The following LRBA variants were observed in gnomAD, a reference collection of about 807,000 sequenced individuals.
LRBA encodes lipopolysaccharide-responsive and beige-like anchor protein.
LRBA carries 176 observed loss-of-function variants against 330.0 expected under a neutral mutation model. That is an observed-to-expected ratio of 0.53 (90% CI 0.47 to 0.60). The LOEUF (loss-of-function observed/expected upper bound fraction) is 0.60, where lower values mean the gene tolerates loss of function less well. Ranked by LOEUF, LRBA falls within the 20% of genes least tolerant of loss-of-function variation. The pLI, the probability that LRBA is intolerant of heterozygous loss-of-function variation, is 0.00. For missense variants in LRBA, 3,259 were observed against 3,444.8 expected (o/e 0.95, Z 1.35); for synonymous variants, 1,230 against 1,193.0 (o/e 1.03, Z -0.64).
chr4:150,873,962 C>T (rs1201355849), intron 17 of LRBA, among the ~76,000 whole-genome samples: 2 of 152,106 alleles, frequency 1.3e-5, no homozygotes, highest in Non-Finnish European at 1.5e-5. Flanking sequence ...AATCTTAGTA[C>T]AAAAACTTAA....
chr4:150,692,412 G>A (rs1228829199), intron 36 of LRBA, among the ~76,000 whole-genome samples: 1 of 151,994 alleles, frequency 6.6e-6, no homozygotes, highest in Admixed American at 6.6e-5. Flanking sequence ...TAGAGATGAG[G>A]TCTCACTATG....
At chr4:150,648,184 A>AAAAAAAAAAAAAAAAAAAATAT (rs1779378881) in intron 37 of LRBA, among the ~76,000 whole-genome samples, 1 of 149,066 alleles carries the variant, frequency 6.7e-6, no homozygotes, top group Non-Finnish European at 1.5e-5. Context: ...AAAACTAGAA[A>AAAAAAAAAAAAAAAAAAAATAT]AGAGCGAGAT....
At chr4:150,468,449 T>C (rs1426248531) in intron 43 of LRBA, among the ~76,000 whole-genome samples, 2 of 152,194 alleles carry the variant, frequency 1.3e-5, no homozygotes, top group East Asian at 3.9e-4. Context: ...ATGACATATT[T>C]AGATTTATTA....
At chr4:150,402,506 C>T (rs910146908) in intron 47 of LRBA, among the ~76,000 whole-genome samples, 9 of 151,938 alleles carry the variant, frequency 5.9e-5, no homozygotes, top group Non-Finnish European at 1.5e-5. Context: ...AAAATAAAAA[C>T]CAGGTACTAT....
intron 30 of LRBA, among the ~76,000 whole-genome samples, chr4:150,823,243 T>C (rs764226193): frequency 2.0e-5 from 3 of 152,228 alleles, no homozygotes; most frequent in Non-Finnish European, 4.4e-5. Flanking sequence ...TTGAGATCTT[T>C]AGCCCATTTT....
intron 35 of LRBA, among the ~76,000 whole-genome samples, chr4:150,752,343 T>C (rs1582241555): frequency 6.6e-6 from 1 of 152,114 alleles, no homozygotes; most frequent in African/African-American, 2.4e-5. Context: ...TAAACTGTTA[T>C]CTCTCTGCAC....
chr4:150,903,642 A>G (rs750675198), intron 13 of LRBA, among the ~76,000 whole-genome samples: 66 of 152,196 alleles, frequency 4.3e-4, no homozygotes, highest in Non-Finnish European at 7.1e-4. Flanking sequence ...CAGGAGGCTG[A>G]GATGGGAGGA....
rs566882890 is a variant in LRBA at position 150,794,782 on chromosome 4, T to G, written c.5580+3299A>C. 6.6e-5 allele frequency among the ~76,000 whole-genome samples: 10 copies of G among 152,284 alleles called. No individual in the cohort carries two copies. In the East Asian group the frequency reaches 1.9e-3, roughly 29 times the overall value. On this transcript the variant is annotated intron_variant, in intron 34 of 56. Transcript: ENST00000651943. ...AGACAGGATGCCAGTCCAGACTACA[T>G]GGTGCTTCTAGTTTTTCTATATACT...
chr4:150,685,415 TATA>T lies in LRBA; in HGVS notation c.5755-1701_5755-1699del, dbSNP rs1561513969. On this transcript the variant is annotated intron_variant, in intron 36 of 56. Transcript: ENST00000651943. The stretch of plus-strand genomic sequence containing the variant: ...ATATATATATATATATATATATATA[TATA>T]TATTTTTTTTTTTTTTTTTTTTTTT... 1.5e-3 allele frequency among the ~76,000 whole-genome samples: 33 copies of T among 22,670 alleles called. 2 individuals are homozygous for T. Among genetic ancestry groups the T allele is most frequent in the South Asian group, 5.2e-3 (2 of 384 alleles). 14.9% of individuals were successfully genotyped at this position (22,670 alleles called of 152,430 possible). A position where few individuals can be genotyped will look rare whatever the true frequency, so the allele number is the denominator to read the frequency against.
intron 34 of LRBA, among the ~76,000 whole-genome samples, chr4:150,763,899 C>A (rs889892994): frequency 6.6e-6 from 1 of 151,876 alleles, no homozygotes; most frequent in Non-Finnish European, 1.5e-5. Context: ...TGTGGATAGG[C>A]AGCAAGTGAT....
At chr4:150,292,185 G>A (rs1027841677) in intron 53 of LRBA, among the ~76,000 whole-genome samples, 1 of 152,090 alleles carries the variant, frequency 6.6e-6, no homozygotes, top group Non-Finnish European at 1.5e-5. Context: ...AGAGAAAAGA[G>A]GAATTTCTCT....
At chr4:150,961,468 T>C (rs1251154263) in intron 2 of LRBA, among the ~76,000 whole-genome samples, 1 of 149,240 alleles carries the variant, frequency 6.7e-6, no homozygotes, top group Non-Finnish European at 1.5e-5. Flanking sequence ...AAACAAAGTC[T>C]AGAAAAATCA....
At chr4:150,562,754 T>A (rs1273609069) in intron 40 of LRBA, among the ~76,000 whole-genome samples, 1 of 152,284 alleles carries the variant, frequency 6.6e-6, no homozygotes, top group African/African-American at 2.4e-5. Flanking sequence ...GACAAAATTA[T>A]GTCTTACTCA....
At chr4:150,808,889 G>A (rs1743189965) in intron 31 of LRBA, among the ~76,000 whole-genome samples, 1 of 152,194 alleles carries the variant, frequency 6.6e-6, no homozygotes, top group Non-Finnish European at 1.5e-5. Context: ...CTGAGAATCT[G>A]TAATCTTGTA....
At chr4:150,619,976 A>C (rs1377152574) in intron 37 of LRBA, among the ~76,000 whole-genome samples, 2 of 152,190 alleles carry the variant, frequency 1.3e-5, no homozygotes, top group Non-Finnish European at 2.9e-5. Context: ...CTACTAATGT[A>C]TAAAATTCCT....
chr4:150,926,712 AT>A (rs1190756313), intron 4 of LRBA, among the ~76,000 whole-genome samples: 1 of 152,218 alleles, frequency 6.6e-6, no homozygotes, highest in African/African-American at 2.4e-5. Flanking sequence ...TATGCTAAAT[AT>A]TGTCAAGGAT....
chr4:150,471,870 A>AG (rs1172397156), intron 42 of LRBA, 131 bp from the exon 43 acceptor site: 3 of 600,388 alleles, frequency 5.0e-6, no homozygotes, highest in Non-Finnish European at 8.8e-6. Flanking sequence ...AATGAATACT[A>AG]GAGAGGTTTC....
intron 53 of LRBA, among the ~76,000 whole-genome samples, chr4:150,287,834 C>T (rs1043438592): frequency 2.0e-5 from 3 of 152,140 alleles, no homozygotes; most frequent in Non-Finnish European, 4.4e-5. Context: ...GGCAAACTTA[C>T]CTTAATTAGA....
intron 2 of LRBA, among the ~76,000 whole-genome samples, chr4:150,954,859 A>G (rs1443359965): frequency 6.8e-6 from 1 of 146,972 alleles, no homozygotes; most frequent in Admixed American, 6.6e-5. Context: ...AACACCAAGT[A>G]TATCATTTGA....
Sources: gnomAD v4.1 joint callset for allele counts (sites outside exome capture counted in the v4.1 genomes callset) on GRCh38, gnomAD v4.1.1 for gene constraint, MANE v1.5 for transcripts, NCBI Gene and HGNC (gene_info 2026-07-23, HGNC 2026-07-21) for gene names.